Variants in FMNL1 observed in about 807,000 individuals in gnomAD.
FMNL1 encodes formin-like protein 1.
Under a neutral mutation model 121.3 loss-of-function variants are expected in FMNL1, and 43 were observed. The observed-to-expected ratio is 0.35, with a 90% CI of 0.28 to 0.46. The LOEUF is 0.46. Ranked by LOEUF, FMNL1 falls within the 20% of genes least tolerant of loss-of-function variation. The pLI, the probability that FMNL1 is intolerant of heterozygous loss-of-function variation, is 1.00. For missense variants in FMNL1, 1,191 were observed against 1,482.4 expected (o/e 0.80, Z 3.23); for synonymous variants, 613 against 613.5 (o/e 1.00, Z 0.01).
chr17:45,246,442 TTTTC>T, intron 25 of FMNL1, 59 bp from the exon 26 acceptor site: 1 of 1,612,986 alleles, frequency 6.2e-7, no homozygotes, highest in Non-Finnish European at 8.5e-7. Context: ...TCTTGCTACC[TTTTC>T]TGTTTTTCTT....
intron 1 of FMNL1, among the ~76,000 whole-genome samples, chr17:45,229,434 GC>G (rs2043395239): frequency 6.6e-6 from 1 of 152,230 alleles, no homozygotes; most frequent in Non-Finnish European, 1.5e-5. Context: ...TCCAGCTGTG[GC>G]GTCTCTGCAG....
rs1410084560 is a variant in FMNL1, at chr17:45,241,836, C to G, written c.1586-11C>G. ...TCGCGCCTCCCCCACGCCGCGCCCT[C>G]GCTGGCTCAGATCTCGCACCTGCAG... On this transcript the variant is annotated splice_polypyrimidine_tract_variant and intron_variant, in intron 14 of 26. Transcript: ENST00000331495. This position sits in a 1 kb window ranked among gnomAD's most constrained non-coding sequence, Gnocchi z 7.0. 7.0e-7 allele frequency: 1 copy of G among 1,419,806 alleles called. No individual in the cohort carries two copies. 88.0% of individuals were successfully genotyped at this position (1,419,806 alleles called of 1,614,324 possible).
At chr17:45,243,738 AG>A in intron 17 of FMNL1, 52 bp from the exon 18 acceptor site, 1 of 1,543,750 alleles carries the variant, frequency 6.5e-7, no homozygotes, top group Non-Finnish European at 8.9e-7. Context: ...CCCTGCTCCC[AG>A]GGACTGGTGG....
Position 45,233,274 on chromosome 17 carries a change from C to A in FMNL1, c.378C>A (p.Thr126=). Residue 126 remains threonine, a synonymous_variant, in exon 4 of 27, where the codon ACC becomes ACA. Transcript: ENST00000331495. This position sits in a 1 kb window ranked among gnomAD's most constrained non-coding sequence, Gnocchi z 4.1. Reference sequence around the variant, plus strand: ...CGCAGGTGCTACGGGAGCTGGAGACCTCCCTGAGGACCAACCACATTGGGT... The same window carrying A: ...CGCAGGTGCTACGGGAGCTGGAGACATCCCTGAGGACCAACCACATTGGGT... ...ESTQVLRELE[T]SLRTNHIGWV... 1 of 1,561,512 alleles carries A rather than the reference C, an allele frequency of 6.4e-7. No homozygotes were observed.
intron 1 of FMNL1, 140 bp from the exon 2 acceptor site, chr17:45,230,464 T>C: frequency 4.5e-6 from 3 of 671,590 alleles, no homozygotes; most frequent in Non-Finnish European, 7.8e-6. Flanking sequence ...TGGATAACAC[T>C]ACGTATCTCC....
In FMNL1 at chr17:45,233,803, C is replaced by G; in HGVS notation, c.485+72C>G. ...TCCCCGTCTCCCTGCATCTCACCCA[C>G]TCCCCTGGCCAGTTTCAAGCCAGGC... On this transcript the variant is annotated intron_variant, in intron 5 of 26. Transcript: ENST00000331495. The surrounding 1 kb of genome is among the most constrained non-coding windows in gnomAD (Gnocchi z 4.1). 2 of 1,573,994 alleles carry G rather than the reference C, an allele frequency of 1.3e-6. No homozygotes were observed. The highest frequency in any genetic ancestry group is 1.7e-6 in the Non-Finnish European group (2 of 1,155,960).
At chr17:45,229,595 A>G (rs1410437751) in intron 1 of FMNL1, among the ~76,000 whole-genome samples, 1 of 152,236 alleles carries the variant, frequency 6.6e-6, no homozygotes, top group African/African-American at 2.4e-5. Context: ...AAGGCTCTCA[A>G]TAACCTGGGG....
At chr17:45,226,978 G>T (rs4316799) in intron 1 of FMNL1, among the ~76,000 whole-genome samples, 152,218 of 152,250 alleles carry the variant, frequency 1, 76,093 homozygotes, top group Non-Finnish European at 1. Context: ...TTTAAAAAAG[G>T]AGGTAAAATT....
chr17:45,241,985 C>T lies in FMNL1; in HGVS notation c.1724C>T (p.Pro575Leu), dbSNP rs1308902731. 5.4e-6 allele frequency: 7 copies of T among 1,300,808 alleles called. No homozygotes were observed. Among genetic ancestry groups the T allele is most frequent in the Admixed American group, 3.8e-5 (1 of 26,226 alleles). 80.6% of individuals were successfully genotyped at this position (1,300,808 alleles called of 1,614,324 possible). ...APPLPGSPEP[P>L]PAPPLPGDLP... ...CCTCTCCCTGGCAGCCCGGAGCCCCCGCCTGCGCCGCCGCTGCCCGGAGAC... is the reference window on the plus strand; with the variant it reads ...CCTCTCCCTGGCAGCCCGGAGCCCCTGCCTGCGCCGCCGCTGCCCGGAGAC... The change falls in exon 15 of 27, where the codon CCG becomes CTG. Residue 575 changes from proline (P) to leucine (L), a missense_variant. By Grantham distance (98) the Pro-to-Leu change is moderately conservative. This residue lies in a region of FMNL1 where 519 missense variants were observed against 492.8 expected (regional missense o/e 1.05). Transcript: ENST00000331495. The surrounding 1 kb of genome is among the most constrained non-coding windows in gnomAD (Gnocchi z 7.0).
chr17:45,235,485 G>A (rs577284581), intron 6 of FMNL1, among the ~76,000 whole-genome samples: 23 of 152,316 alleles, frequency 1.5e-4, no homozygotes, highest in African/African-American at 4.8e-4. Flanking sequence ...GGGTGAAGGC[G>A]GGGCCTCCTG....
At position 45,230,832 on chromosome 17, in the gene FMNL1, G is replaced by A. The variant is rs1567958821; in HGVS notation, c.213+145G>A. On this transcript the variant is annotated intron_variant, in intron 2 of 26. Transcript: ENST00000331495. ...CAGTGGCCAATGTAGCACCTGGGGA[G>A]GGTGCTGGGGTCTGCAGGACTCCCA... The A allele has an allele frequency of 6.3e-6, 5 of 793,162 alleles. No individual in the cohort carries two copies. The East Asian group carries it at 1.4e-4, about 22-fold the overall frequency. The allele number at this position is 793,162 out of a possible 1,614,324, so 49.1% of individuals were successfully genotyped here.
intron 2 of FMNL1, 75 bp from the exon 3 acceptor site, chr17:45,232,292 A>G: frequency 1.5e-6 from 2 of 1,341,346 alleles, no homozygotes; most frequent in Non-Finnish European, 2.1e-6. Flanking sequence ...AGAATGGGAC[A>G]CTGGGACGAG....
chr17:45,238,332 G>GT (rs2043596856), intron 9 of FMNL1: 5 of 491,604 alleles, frequency 1.0e-5, no homozygotes, highest in South Asian at 9.7e-5. Context: ...AGTTGGAACA[G>GT]TAAGTGCAAA....
At chr17:45,242,490 A>G (rs1343174424) in intron 16 of FMNL1, 25 bp downstream of exon 16, 6 of 1,606,078 alleles carry the variant, frequency 3.7e-6, no homozygotes, top group South Asian at 1.1e-5. Flanking sequence ...CTGGCTCCCC[A>G]TGTGGGCACC....
At position 45,234,372 on chromosome 17, in the gene FMNL1, A is replaced by C. The variant is rs148012563; in HGVS notation, c.614+172A>C. Reference sequence around the variant, plus strand: ...TGGGACACCAGTATGTTAAGAAGCCATCAGGGGTGGGGCTGGGTGCTGTGG... The same window carrying C: ...TGGGACACCAGTATGTTAAGAAGCCCTCAGGGGTGGGGCTGGGTGCTGTGG... On this transcript the variant is annotated intron_variant, in intron 6 of 26. Transcript: ENST00000331495. 748 of 1,159,390 alleles carry C rather than the reference A, an allele frequency of 6.5e-4. 4 individuals are homozygous for C. In the African/African-American group the frequency reaches 8.9e-3, roughly 14 times the overall value. 71.8% of individuals were successfully genotyped at this position (1,159,390 alleles called of 1,614,324 possible). A position where few individuals can be genotyped will look rare whatever the true frequency, so the allele number is the denominator to read the frequency against.
At chr17:45,246,050 C>G (rs901114844) in intron 24 of FMNL1, 77 bp downstream of exon 24, 15 of 1,516,822 alleles carry the variant, frequency 9.9e-6, no homozygotes, top group Non-Finnish European at 1.3e-5. Flanking sequence ...GCCACCCCCA[C>G]ACCCTCACTG....
chr17:45,227,777 T>G (rs1394090683), intron 1 of FMNL1, among the ~76,000 whole-genome samples: 1 of 152,158 alleles, frequency 6.6e-6, no homozygotes. Context: ...TCTCACTGAG[T>G]GTTCCAGGAG....
At position 45,241,625 on chromosome 17, in the gene FMNL1, CCCA is replaced by C. The variant is rs758227449; in HGVS notation, c.1577_1579del (p.Pro526_Ser527delinsArg). The C allele has an allele frequency of 1.3e-5, 20 of 1,513,076 alleles. No homozygotes were observed. The highest frequency in any genetic ancestry group is 8.9e-7 in the Non-Finnish European group (1 of 1,128,790). The allele number at this position is 1,513,076 out of a possible 1,614,324, so 93.7% of individuals were successfully genotyped here. A position where few individuals can be genotyped will look rare whatever the true frequency, so the allele number is the denominator to read the frequency against. On this transcript the variant is annotated inframe_deletion, in exon 14 of 27. Transcript: ENST00000331495. The surrounding 1 kb of genome is among the most constrained non-coding windows in gnomAD (Gnocchi z 7.0). Reference sequence around the variant, plus strand: ...GACTCCGGGGGTGCCGACCGGCTCCCCCAGCCCAGGTGCGCAGGAGCTTCAGGC... The same window carrying C: ...GACTCCGGGGGTGCCGACCGGCTCCCGCCCAGGTGCGCAGGAGCTTCAGGC...
In FMNL1 at chr17:45,233,700, G is replaced by C. The variant is rs375380299; in HGVS notation, c.454G>C (p.Glu152Gln). ...GAACCGTGGCCTGGATGTGCTGCTC[G>C]AGTACCTGGCCTTTGCCCAGTGCTC... ...EENRGLDVLL[E>Q]YLAFAQCSVT... is the part of the protein sequence containing the mutation. Residue 152 changes from glutamate to glutamine, a missense_variant, in exon 5 of 27, where the codon GAG (glutamate) becomes CAG (glutamine). By Grantham distance (29) the Glu-to-Gln change is conservative. Transcript: ENST00000331495. This position sits in a 1 kb window ranked among gnomAD's most constrained non-coding sequence, Gnocchi z 4.1. 3.7e-6 allele frequency: 6 copies of C among 1,613,874 alleles called. 1 individual carries two copies. In the African/African-American group the frequency reaches 8.0e-5, roughly 22 times the overall value.
Sources: gnomAD v4.1 joint callset for allele counts (sites outside exome capture counted in the v4.1 genomes callset) on GRCh38, gnomAD v4.1.1 for gene constraint, gnomAD v4.1.1 regional missense constraint, Gnocchi (gnomAD v3.1) non-coding constraint, MANE v1.5 for transcripts, NCBI Gene and HGNC (gene_info 2026-07-23, HGNC 2026-07-21) for gene names.